The following PKD1L1 variants were observed in gnomAD, a reference collection of about 807,000 sequenced individuals.
The protein encoded by PKD1L1 is polycystin 1 like 1, transient receptor potential channel interacting, also known as polycystin-1-like protein 1.
Under a neutral mutation model 323.4 loss-of-function variants are expected in PKD1L1, and 236 were observed. The ratio of observed to expected loss-of-function variants is 0.73; its 90% CI spans 0.66 to 0.81. The LOEUF is 0.81. Ranked by LOEUF, PKD1L1 falls within the 40% of genes least tolerant of loss-of-function variation. The probability of loss-of-function intolerance (pLI) is 0.00; values close to 1 mark genes in which losing one functional copy is unlikely to be tolerated. For synonymous variants in PKD1L1, 1,344 were observed against 1,335.0 expected (o/e 1.01, Z -0.15); for missense variants, 3,320 against 3,508.0 (o/e 0.95, Z 1.35).
In PKD1L1 at chr7:47,930,772, G is replaced by A. The variant is rs544477316; in HGVS notation, c.737+332C>T. Among the ~76,000 whole-genome samples the A allele has an allele frequency of 5.6e-4, 85 of 152,218 alleles. 1 individual carries two copies. Among genetic ancestry groups the A allele is most frequent in the African/African-American group, 1.6e-3 (65 of 41,538 alleles). Reference sequence around the variant, plus strand: ...GGAGGTTGCAGTGAGCCGAGATCACGCCACTGCACTCCAGCTTGGGTGACA... The same window carrying A: ...GGAGGTTGCAGTGAGCCGAGATCACACCACTGCACTCCAGCTTGGGTGACA... On this transcript the variant is annotated intron_variant, in intron 6 of 56. Transcript: ENST00000289672.
chr7:47,881,956 G>A lies in PKD1L1; in HGVS notation c.3395C>T (p.Pro1132Leu). The A allele has an allele frequency of 3.7e-6, 6 of 1,613,602 alleles. No homozygotes were observed. The highest frequency in any genetic ancestry group is 4.2e-6 in the Non-Finnish European group (5 of 1,179,844). The change falls in exon 20 of 57, where the codon CCC becomes CTC. Residue 1132 changes from proline (P) to leucine (L), a missense_variant. Pro to Leu is a moderately conservative substitution (Grantham distance 98). Coordinates refer to ENST00000289672, the MANE Select transcript of PKD1L1 (RefSeq NM_138295.5). ...AACTGCTCGACCCAGCAGGGCCTTGGGCCAGTCAATCATGAGGACAGGCTC... is the reference window on the plus strand; with the variant it reads ...AACTGCTCGACCCAGCAGGGCCTTGAGCCAGTCAATCATGAGGACAGGCTC... ...RAEPVLMIDW[P>L]KALLGRAVFQ...
intron 21 of PKD1L1, among the ~76,000 whole-genome samples, chr7:47,880,059 T>C (rs1583642807): frequency 6.6e-6 from 1 of 150,676 alleles, no homozygotes; most frequent in South Asian, 2.1e-4. Flanking sequence ...GAGATAGGCA[T>C]GGAAACGCAA....
At chr7:47,888,594 T>TC (rs1786735404) in intron 16 of PKD1L1, among the ~76,000 whole-genome samples, 1 of 152,130 alleles carries the variant, frequency 6.6e-6, no homozygotes, top group South Asian at 2.1e-4. Context: ...TCCCAAACTT[T>TC]CCCCGTGGCC....
At chr7:47,939,654 T>G (rs1787942373) in intron 3 of PKD1L1, among the ~76,000 whole-genome samples, 1 of 152,180 alleles carries the variant, frequency 6.6e-6, no homozygotes, top group Admixed American at 6.5e-5. Context: ...AGCCCAGTCT[T>G]AATTAATAGG....
intron 28 of PKD1L1, among the ~76,000 whole-genome samples, chr7:47,856,447 A>C (rs1785906491): frequency 6.6e-6 from 1 of 152,232 alleles, no homozygotes; most frequent in African/African-American, 2.4e-5. Context: ...ATTTAGGTAC[A>C]TTTCTATTTG....
rs772537248 is a variant in PKD1L1, at chr7:47,885,830, G to A, written c.3061C>T (p.Pro1021Ser). 3 of 1,614,104 alleles carry A rather than the reference G, an allele frequency of 1.9e-6. No homozygotes were observed. Among genetic ancestry groups the A allele is most frequent in the East Asian group, 4.5e-5 (2 of 44,892 alleles). The change falls in exon 18 of 57, where the codon CCT becomes TCT. Residue 1021 changes from proline to serine, a missense_variant. By Grantham distance (74) the Pro-to-Ser change is moderately conservative. Coordinates refer to ENST00000289672, the MANE Select transcript of PKD1L1 (RefSeq NM_138295.5). ...CCCAGGACTGCAGAGTCCCCCGCAG[G>A]AGGAATCCAGTAGACTCCAGTCATG... ...EPMTGVYWIP[P>S]AGDSAVLGEA... is the part of the protein sequence containing the mutation.
intron 31 of PKD1L1, among the ~76,000 whole-genome samples, chr7:47,850,697 C>A (rs1175973665): frequency 6.8e-6 from 1 of 146,542 alleles, no homozygotes; most frequent in Non-Finnish European, 1.5e-5. Context: ...AAAAAGTGAA[C>A]CTAGCTGTAT....
chr7:47,821,394 G>A (rs569218717), intron 45 of PKD1L1, among the ~76,000 whole-genome samples: 2 of 151,776 alleles, frequency 1.3e-5, no homozygotes, highest in African/African-American at 2.4e-5. Flanking sequence ...TCAGCCTCCC[G>A]AGTAGCTGGG....
In PKD1L1 at chr7:47,877,555, C is replaced by A. The variant is rs751062531; in HGVS notation, c.3597G>T (p.Gln1199His). Residue 1199 changes from glutamine (Q) to histidine (H), a missense_variant, in exon 22 of 57, where the codon CAG becomes CAT. Physicochemically the swap from Gln to His is conservative, Grantham distance 24 (BLOSUM62 0). Transcript: ENST00000289672. ...VNPAPRDMAC[Q>H]VQPHHGLEAH... ...CTTCCAGACCATGGTGGGGCTGCAC[C>A]TGACAGGCCATGTCCCGAGGAGCCG... 1.9e-6 allele frequency: 3 copies of A among 1,614,068 alleles called. No individual in the cohort carries two copies. The highest frequency in any genetic ancestry group is 1.3e-5 in the African/African-American group (1 of 75,022).
At chr7:47,854,422 C>T (rs1208655950) in intron 30 of PKD1L1, among the ~76,000 whole-genome samples, 1 of 152,164 alleles carries the variant, frequency 6.6e-6, no homozygotes, top group Non-Finnish European at 1.5e-5. Context: ...TCAATAGTCA[C>T]TTACCTTCCC....
intron 45 of PKD1L1, among the ~76,000 whole-genome samples, chr7:47,822,572 G>A: frequency 7.8e-6 from 1 of 128,296 alleles, no homozygotes; most frequent in East Asian, 2.7e-4. Flanking sequence ...TCCAGCCTGG[G>A]TGACAAAGTG....
chr7:47,855,137 G>C lies in PKD1L1; in HGVS notation c.4701+18C>G. 1 of 1,612,252 alleles carries C rather than the reference G, an allele frequency of 6.2e-7. No homozygotes were observed. The highest frequency in any genetic ancestry group is 8.5e-7 in the Non-Finnish European group (1 of 1,178,496). On this transcript the variant is annotated intron_variant, in intron 29 of 56. Transcript: ENST00000289672. Reference sequence around the variant, plus strand: ...ACAGCCTAAATGAAGTAGAGATACTGAGAAAGGCTCTCCTTACCAGGCCAT... The same window carrying C: ...ACAGCCTAAATGAAGTAGAGATACTCAGAAAGGCTCTCCTTACCAGGCCAT...
At chr7:47,803,462 C>T in intron 52 of PKD1L1, 118 bp from the exon 53 acceptor site, 1 of 1,172,368 alleles carries the variant, frequency 8.5e-7, no homozygotes, top group Non-Finnish European at 1.2e-6. Flanking sequence ...TTATATAGAC[C>T]CATGAGTCTC....
intron 15 of PKD1L1, among the ~76,000 whole-genome samples, chr7:47,892,888 C>CA (rs375249798): frequency 1.6e-4 from 23 of 146,562 alleles, no homozygotes; most frequent in Admixed American, 3.4e-4. Flanking sequence ...AAGGGAGGGC[C>CA]AAAAAAAAAG....
intron 14 of PKD1L1, among the ~76,000 whole-genome samples, chr7:47,896,435 G>A (rs1583656841): frequency 1.3e-5 from 2 of 151,862 alleles, no homozygotes; most frequent in East Asian, 3.9e-4. Context: ...TGAAAGGGAG[G>A]GGGCGTAATG....
intron 11 of PKD1L1, 146 bp from the exon 12 acceptor site, chr7:47,904,763 G>T: frequency 9.6e-7 from 1 of 1,042,628 alleles, no homozygotes; most frequent in Non-Finnish European, 1.4e-6. Context: ...AAAGTATCTA[G>T]TGATTTTCAT....
In PKD1L1 at chr7:47,934,601, C is replaced by T. The variant is rs558285643; in HGVS notation, c.398+2245G>A. Among the ~76,000 whole-genome samples the T allele has an allele frequency of 2.6e-5, 4 of 152,226 alleles. No individual in the cohort carries two copies. The South Asian group carries it at 8.3e-4, about 32-fold the overall frequency. On this transcript the variant is annotated intron_variant, in intron 4 of 56. Transcript: ENST00000289672. ...CTTTAGGAAAACAACAACAACAAAC[C>T]TGCATGTCTTAGCTGAGTCCTGGGG...
At chr7:47,801,266 C>T (rs1784656380) in intron 53 of PKD1L1, among the ~76,000 whole-genome samples, 1 of 152,118 alleles carries the variant, frequency 6.6e-6, no homozygotes, top group African/African-American at 2.4e-5. Flanking sequence ...CTTTATGTCC[C>T]CCGCACCTGG....
intron 56 of PKD1L1, among the ~76,000 whole-genome samples, chr7:47,791,802 C>A (rs1475324482): frequency 6.6e-6 from 1 of 152,194 alleles, no homozygotes; most frequent in Admixed American, 6.5e-5. Flanking sequence ...GCCACTCAGT[C>A]ATGTGAACAT....
Sources: allele counts gnomAD v4.1 joint callset (sites outside exome capture counted in the v4.1 genomes callset), GRCh38; gene constraint gnomAD v4.1.1; transcripts MANE v1.5; gene names NCBI Gene and HGNC (gene_info 2026-07-23, HGNC 2026-07-21).